Variants in BEST1 observed in about 807,000 individuals in gnomAD.
BEST1 encodes the protein bestrophin 1, also known as bestrophin-1.
In BEST1, 58 loss-of-function variants were observed where a neutral mutation model predicts 63.3. That is an observed-to-expected ratio of 0.92 (90% CI 0.74 to 1.14). BEST1 has a LOEUF of 1.14. BEST1 is among the 50% of genes most tolerant of loss of function. The pLI is 0.00. For missense variants in BEST1, 671 were observed against 740.1 expected (o/e 0.91, Z 1.08); for synonymous variants, 283 against 291.6 (o/e 0.97, Z 0.30).
intron 6 of BEST1, 57 bp from the exon 7 acceptor site, chr11:61,958,089 C>T: frequency 1.9e-6 from 3 of 1,611,454 alleles, no homozygotes; most frequent in South Asian, 1.1e-5. Context: ...CCTGGAGCAT[C>T]CTGATTTCAG....
In BEST1 at chr11:61,962,646, A is replaced by G. The variant is rs1565043094; in HGVS notation, c.1492A>G (p.Lys498Glu). 2 of 1,614,238 alleles carry G rather than the reference A, an allele frequency of 1.2e-6. No homozygotes were observed. Among genetic ancestry groups the G allele is most frequent in the Non-Finnish European group, 1.7e-6 (2 of 1,180,040 alleles). The change falls in exon 10 of 11, where the codon AAA (lysine) becomes GAA (glutamate). Residue 498 changes from lysine (K) to glutamate (E), a missense_variant. Coordinates refer to ENST00000378043, the MANE Select transcript of BEST1 (RefSeq NM_004183.4). ...KLHSVTGIDT[K>E]DKSLKTVSSG... is the part of the protein sequence containing the mutation. Reference sequence around the variant, plus strand: ...TCACAGTGTCACAGGCATAGACACCAAAGACAAAAGCTTAAAGACTGTGAG... The same window carrying G: ...TCACAGTGTCACAGGCATAGACACCGAAGACAAAAGCTTAAAGACTGTGAG...
At chr11:61,955,007 A>G in intron 2 of BEST1, 100 bp from the exon 3 acceptor site, 4 of 1,563,228 alleles carry the variant, frequency 2.6e-6, no homozygotes, top group Non-Finnish European at 3.5e-6. Flanking sequence ...GATAGCATCG[A>G]GGCAGTCCCA....
Position 61,955,778 on chromosome 11 carries a change from C to G in BEST1, c.308C>G (p.Pro103Arg). 6.5e-7 allele frequency: 1 copy of G among 1,549,792 alleles called. No homozygotes were observed. Among genetic ancestry groups the G allele is most frequent in the Admixed American group, 2.0e-5 (1 of 51,046 alleles). The change falls in exon 4 of 11, where the codon CCC becomes CGC. Residue 103 changes from proline to arginine, a missense_variant. Pro to Arg is a moderately radical substitution (Grantham distance 103). Transcript: ENST00000378043. ...AACCAGTACGAGAACCTGCCGTGGC[C>G]CGACCGCCTCATGAGCCTGGTGTCG... is the stretch of plus-strand genomic sequence containing the variant. Reference protein sequence around the residue: ...WWNQYENLPWPDRLMSLVSGF... With the variant: ...WWNQYENLPWRDRLMSLVSGF...
At chr11:61,965,066 C>T, downstream of BEST1, 1 of 1,610,108 alleles carries the variant, frequency 6.2e-7, no homozygotes, top group Non-Finnish European at 8.5e-7. Flanking sequence ...ATGTAATGCA[C>T]ACTCCATTGC....
chr11:61,952,473 T>C (rs982205882), intron 2 of BEST1, among the ~76,000 whole-genome samples: 11 of 147,086 alleles, frequency 7.5e-5, no homozygotes, highest in African/African-American at 2.8e-4. Flanking sequence ...TTTTTTTTTT[T>C]TTTTTTTTTT....
chr11:61,955,592 G>C (rs978050490), intron 3 of BEST1, 126 bp from the exon 4 acceptor site: 1 of 1,174,388 alleles, frequency 8.5e-7, no homozygotes, highest in African/African-American at 1.5e-5. Context: ...CGCCTTCCAG[G>C]AGGGCTGGGG....
At chr11:61,955,068 G>T in intron 2 of BEST1, 39 bp from the exon 3 acceptor site, 1 of 1,611,588 alleles carries the variant, frequency 6.2e-7, no homozygotes. Context: ...CCATCTCCTC[G>T]CTGCGTCCAC....
chr11:61,959,867 G>C, intron 8 of BEST1, 25 bp from the exon 9 acceptor site: 1 of 1,613,114 alleles, frequency 6.2e-7, no homozygotes, highest in Admixed American at 1.7e-5. Flanking sequence ...CTTTCTGTGG[G>C]ACTTCTTCTG....
At chr11:61,955,256 A>C in intron 3 of BEST1, 55 bp downstream of exon 3, 1 of 1,479,068 alleles carries the variant, frequency 6.8e-7, no homozygotes, top group East Asian at 2.9e-5. Flanking sequence ...GGCTCCAGAC[A>C]GGCCAGGGGA....
At chr11:61,959,425 C>T in intron 7 of BEST1, 73 bp from the exon 8 acceptor site, 1 of 1,434,776 alleles carries the variant, frequency 7.0e-7, no homozygotes, top group Admixed American at 1.7e-5. Flanking sequence ...ATAGCAGCAG[C>T]TGAGGTTTAA....
intron 10 of BEST1, chr11:61,963,177 G>T (rs1942260508): frequency 2.8e-6 from 4 of 1,442,308 alleles, no homozygotes; most frequent in Non-Finnish European, 1.8e-6. Context: ...TGCTGCTGGA[G>T]AACTGCCCCA....
downstream of BEST1, chr11:61,965,142 C>G: frequency 6.2e-7 from 1 of 1,602,614 alleles, no homozygotes; most frequent in Non-Finnish European, 8.5e-7. Flanking sequence ...TGCATCTCTA[C>G]CAACTAACCT....
chr11:61,963,133 C>T, intron 10 of BEST1: 1 of 1,457,970 alleles, frequency 6.9e-7, no homozygotes, highest in East Asian at 2.5e-5. Context: ...TTCTTGGGAC[C>T]AGGTGAAGGA....
chr11:61,955,265 G>A (rs2134426604), intron 3 of BEST1, 64 bp downstream of exon 3: 1 of 1,537,924 alleles, frequency 6.5e-7, no homozygotes, highest in East Asian at 2.5e-5. Flanking sequence ...CAGGCCAGGG[G>A]AGGATCACGA....
chr11:61,964,741 C>T (rs1303498152), downstream of BEST1: 2 of 1,598,770 alleles, frequency 1.3e-6, no homozygotes, highest in Non-Finnish European at 8.5e-7. Flanking sequence ...CTTTCATTAT[C>T]ACTGTCTCCC....
At chr11:61,962,055 T>A in intron 9 of BEST1, 200 bp from the exon 10 acceptor site, 1 of 611,884 alleles carries the variant, frequency 1.6e-6, no homozygotes, top group East Asian at 2.8e-5. Context: ...CAACAAACAG[T>A]GAGGTGAGCT....
At chr11:61,959,815 C>T (rs778145235) in intron 8 of BEST1, 77 bp from the exon 9 acceptor site, 2 of 1,581,152 alleles carry the variant, frequency 1.3e-6, no homozygotes, top group Non-Finnish European at 1.7e-6. Flanking sequence ...GGAGAGATTC[C>T]TCCAAGTCAT....
chr11:61,959,426 T>G, intron 7 of BEST1, 72 bp from the exon 8 acceptor site: 1 of 1,443,786 alleles, frequency 6.9e-7, no homozygotes, highest in Non-Finnish European at 9.7e-7. Flanking sequence ...TAGCAGCAGC[T>G]GAGGTTTAAA....
intron 7 of BEST1, chr11:61,958,903 C>T (rs465286): frequency 0.087 from 2,687 of 31,010 alleles, 81 homozygotes; most frequent in African/African-American, 0.29. Flanking sequence ...CACACACACA[C>T]ACATACACAC....
Sources: gnomAD v4.1 joint callset for allele counts (sites outside exome capture counted in the v4.1 genomes callset) on GRCh38, gnomAD v4.1.1 for gene constraint, MANE v1.5 for transcripts, NCBI Gene and HGNC (gene_info 2026-07-23, HGNC 2026-07-21) for gene names.